ALK: variants seen among roughly 807,000 people sequenced by gnomAD.
The protein encoded by ALK is ALK tyrosine kinase receptor.
Under a neutral mutation model 163.1 loss-of-function variants are expected in ALK, and 74 were observed. The ratio of observed to expected loss-of-function variants is 0.45; its 90% CI spans 0.38 to 0.55. The LOEUF is 0.55. ALK is among the 20% of genes least tolerant of loss of function. The pLI is 0.00. For missense variants in ALK, 2,063 were observed against 2,105.3 expected (o/e 0.98, Z 0.39); for synonymous variants, 960 against 843.2 (o/e 1.14, Z -2.40).
At chr2:29,286,173 C>G (rs914368507) in intron 9 of ALK, among the ~76,000 whole-genome samples, 1 of 152,164 alleles carries the variant, frequency 6.6e-6, no homozygotes, top group Non-Finnish European at 1.5e-5. Flanking sequence ...CCTGCTGAAC[C>G]CTGGTCATGA....
At chr2:29,245,824 G>A (rs1339865291) in intron 12 of ALK, among the ~76,000 whole-genome samples, 1 of 151,286 alleles carries the variant, frequency 6.6e-6, no homozygotes, top group African/African-American at 2.4e-5. Context: ...GGGCTCTATG[G>A]CTCAGTGCCT....
intron 3 of ALK, among the ~76,000 whole-genome samples, chr2:29,679,121 A>G (rs1677983972): frequency 6.6e-6 from 1 of 151,920 alleles, no homozygotes; most frequent in Admixed American, 6.6e-5. Flanking sequence ...ATTATAAAAT[A>G]TACTGTTTAG....
chr2:29,699,976 T>C (rs549631732), intron 2 of ALK, among the ~76,000 whole-genome samples: 1 of 152,308 alleles, frequency 6.6e-6, no homozygotes, highest in Non-Finnish European at 1.5e-5. Flanking sequence ...AGCAGGTCTA[T>C]TTCTGTCTCT....
intron 4 of ALK, among the ~76,000 whole-genome samples, chr2:29,422,000 G>A (rs1055481980): frequency 4.6e-5 from 7 of 151,434 alleles, no homozygotes; most frequent in Non-Finnish European, 8.8e-5. Flanking sequence ...TAGCAGTTAG[G>A]TTGTTTCCAT....
intron 4 of ALK, among the ~76,000 whole-genome samples, chr2:29,522,921 C>T (rs560953866): frequency 1.3e-5 from 2 of 152,278 alleles, no homozygotes; most frequent in African/African-American, 4.8e-5. Flanking sequence ...GGAGAGCCTG[C>T]ACTCAGAGGG....
chr2:29,348,372 G>C (rs1208206939), intron 5 of ALK, among the ~76,000 whole-genome samples: 1 of 152,184 alleles, frequency 6.6e-6, no homozygotes, highest in Non-Finnish European at 1.5e-5. Flanking sequence ...AATGCTTTCT[G>C]TTCATTTGGT....
rs559792974 is a variant in ALK at position 29,507,016 on chromosome 2, C to G, written c.1154+24899G>C. ...ATTACCGTAGGATCCAGCAATTCCA[C>G]TTCTAGGTATATATCCAAGAAAAGG... On this transcript the variant is annotated intron_variant, in intron 4 of 28. Coordinates refer to ENST00000389048, the MANE Select transcript of ALK (RefSeq NM_004304.5). 2.0e-5 allele frequency among the ~76,000 whole-genome samples: 3 copies of G among 152,290 alleles called. No individual in the cohort carries two copies. The East Asian group carries it at 5.8e-4, about 29-fold the overall frequency.
At chr2:29,643,239 G>A (rs1387705043) in intron 3 of ALK, among the ~76,000 whole-genome samples, 2 of 152,044 alleles carry the variant, frequency 1.3e-5, no homozygotes, top group African/African-American at 4.8e-5. Flanking sequence ...AAGTTTCCAG[G>A]GCTGGTACTG....
intron 5 of ALK, among the ~76,000 whole-genome samples, chr2:29,375,846 C>A (rs1339474444): frequency 1.3e-5 from 2 of 152,132 alleles, no homozygotes; most frequent in Non-Finnish European, 2.9e-5. Flanking sequence ...GAATGGAACA[C>A]CTATTCAGTA....
At chr2:29,819,500 C>A (rs371033470) in intron 1 of ALK, among the ~76,000 whole-genome samples, 14 of 152,232 alleles carry the variant, frequency 9.2e-5, no homozygotes, top group East Asian at 5.8e-4. Flanking sequence ...GTTATTATTA[C>A]CATGAGAGGG....
At position 29,297,071 on chromosome 2, in the gene ALK, A is replaced by G; in HGVS notation, c.1648-14T>C. On this transcript the variant is annotated splice_polypyrimidine_tract_variant and intron_variant, in intron 8 of 28. Transcript: ENST00000389048. ...GGACATTCGGAGCTGTGAGGGCGAGAAGAGTCAGAGGACAAGGTATGATTG... is the reference window on the plus strand; with the variant it reads ...GGACATTCGGAGCTGTGAGGGCGAGGAGAGTCAGAGGACAAGGTATGATTG... 1 of 1,614,164 alleles carries G rather than the reference A, an allele frequency of 6.2e-7. No individual in the cohort carries two copies. Among genetic ancestry groups the G allele is most frequent in the Non-Finnish European group, 8.5e-7 (1 of 1,180,014 alleles).
At chr2:29,665,471 C>T (rs17008447) in intron 3 of ALK, among the ~76,000 whole-genome samples, 8,061 of 152,118 alleles carry the variant, frequency 0.053, 316 homozygotes, top group African/African-American at 0.1. Context: ...ACTATCCTTA[C>T]GTCTTATGTA....
chr2:29,714,673 T>G (rs1285015217), intron 2 of ALK, among the ~76,000 whole-genome samples: 2 of 152,200 alleles, frequency 1.3e-5, no homozygotes, highest in Non-Finnish European at 2.9e-5. Context: ...TTGCAGAGAC[T>G]TGGTGACTTC....
At chr2:29,582,937 A>T (rs1338373385) in intron 3 of ALK, among the ~76,000 whole-genome samples, 1 of 147,482 alleles carries the variant, frequency 6.8e-6, no homozygotes, top group Non-Finnish European at 1.5e-5. Context: ...ATCTCAGCTC[A>T]CTGCAACCTC....
At chr2:29,893,805 T>C (rs1410876834) in intron 1 of ALK, among the ~76,000 whole-genome samples, 1 of 152,124 alleles carries the variant, frequency 6.6e-6, no homozygotes, top group Admixed American at 6.5e-5. Flanking sequence ...AAGTTTCTTC[T>C]ATGGGGAAAA....
intron 3 of ALK, among the ~76,000 whole-genome samples, chr2:29,553,972 T>C (rs1673779139): frequency 6.6e-6 from 1 of 152,246 alleles, no homozygotes; most frequent in African/African-American, 2.4e-5. Flanking sequence ...CTATTATATT[T>C]GCTAAAAGAA....
intron 1 of ALK, among the ~76,000 whole-genome samples, chr2:29,863,566 A>G (rs1666350249): frequency 1.3e-5 from 2 of 152,168 alleles, no homozygotes; most frequent in South Asian, 4.1e-4. Context: ...CTAAAACCAC[A>G]ATGAGATATC....
intron 4 of ALK, among the ~76,000 whole-genome samples, chr2:29,401,890 C>G (rs1038148288): frequency 6.6e-6 from 1 of 152,186 alleles, no homozygotes; most frequent in East Asian, 1.9e-4. Flanking sequence ...TGGTCTGACA[C>G]GAAATTTAAA....
intron 3 of ALK, among the ~76,000 whole-genome samples, chr2:29,552,099 T>G (rs762926474): frequency 3.1e-4 from 47 of 152,318 alleles, no homozygotes; most frequent in Admixed American, 5.2e-4. Context: ...CCTTGTAAAA[T>G]TGGAGTCAAA....
Sources: allele counts gnomAD v4.1 joint callset (sites outside exome capture counted in the v4.1 genomes callset), GRCh38; gene constraint gnomAD v4.1.1; transcripts MANE v1.5; gene names NCBI Gene and HGNC (gene_info 2026-07-23, HGNC 2026-07-21).